The following RPS6KA6 variants were observed in gnomAD, a reference collection of about 807,000 sequenced individuals.
RPS6KA6 encodes ribosomal protein S6 kinase A6, also known as ribosomal protein S6 kinase alpha-6.
RPS6KA6 carries 27 observed loss-of-function variants against 65.4 expected under a neutral mutation model. The ratio of observed to expected loss-of-function variants is 0.41; its 90% confidence interval spans 0.30 to 0.57. RPS6KA6 has a LOEUF of 0.57. Among genes scored for constraint, RPS6KA6 ranks in the 20% least tolerant of loss-of-function variants. The pLI, the probability that RPS6KA6 is intolerant of heterozygous loss-of-function variation, is 0.24. For missense variants in RPS6KA6, 486 were observed against 555.6 expected (o/e 0.87, Z 1.26); for synonymous variants, 190 against 184.2 (o/e 1.03, Z -0.26).
At chrX:84,163,211 T>C (rs1002464266) in intron 2 of RPS6KA6, among the ~76,000 whole-genome samples, 3 of 112,130 alleles carry the variant, frequency 2.7e-5, no homozygotes, top group Non-Finnish European at 5.6e-5. Flanking sequence ...AAAGGAAGCA[T>C]ACTGCCCTAA....
At chrX:84,146,349 T>C (rs746680362) in intron 5 of RPS6KA6, among the ~76,000 whole-genome samples, 1 of 112,006 alleles carries the variant, frequency 8.9e-6, no homozygotes, top group East Asian at 2.8e-4. Context: ...CAGCTGCTAC[T>C]TTTTTAAATA....
intron 20 of RPS6KA6, among the ~76,000 whole-genome samples, chrX:84,088,689 G>T (rs939570569): frequency 3.6e-5 from 4 of 112,063 alleles, no homozygotes; most frequent in African/African-American, 1.3e-4. Context: ...TCCTTGTCCT[G>T]ACTGCTTGGC....
rs1195319301 is a variant in RPS6KA6, at chrX:84,062,410, AG to A, written c.*1866del. On this transcript the variant is annotated 3_prime_UTR_variant, in exon 22 of 22. Coordinates refer to ENST00000262752, the MANE Select transcript of RPS6KA6 (RefSeq NM_014496.5). ...ATCGATTCTGATAGGAAGGCATAAC[AG>A]CACTAGATAATGACAGAAGGAAAAT... 4 of 111,545 alleles carry A rather than the reference AG, an allele frequency of 3.6e-5. No individual in the cohort carries two copies. The highest frequency in any genetic ancestry group is 1.9e-4 in the Admixed American group (2 of 10,434). The allele number at this position is 111,545 out of a possible 1,213,427, so 9.2% of individuals were successfully genotyped here.
At position 84,123,682 on chromosome X, in the gene RPS6KA6, T is replaced by G. The variant is rs778068155; in HGVS notation, c.647-3655A>C. ...AGCTTAGCTGCAGTAGAATAGAACT[T>G]CAGGTAAATTTCTAAGGTATTTGAC... On this transcript the variant is annotated intron_variant, in intron 8 of 21. Transcript: ENST00000262752. Among the ~76,000 whole-genome samples, 7 of 111,944 alleles carry G rather than the reference T, an allele frequency of 6.3e-5. No individual in the cohort carries two copies. In the South Asian group the frequency reaches 2.6e-3, roughly 42 times the overall value.
chrX:84,169,615 T>G (rs2035648904), intron 1 of RPS6KA6, among the ~76,000 whole-genome samples: 1 of 111,575 alleles, frequency 9.0e-6, no homozygotes, highest in Non-Finnish European at 1.9e-5. Flanking sequence ...ATATTGAAAC[T>G]TAGAAGTAGG....
chrX:84,129,342 A>C (rs1266494308), intron 8 of RPS6KA6, among the ~76,000 whole-genome samples: 1 of 111,362 alleles, frequency 9.0e-6, no homozygotes, highest in Non-Finnish European at 1.9e-5. Flanking sequence ...GTCAGGCAAT[A>C]AAAAAATGCT....
intron 20 of RPS6KA6, among the ~76,000 whole-genome samples, chrX:84,083,648 A>G (rs1329395856): frequency 8.9e-6 from 1 of 112,238 alleles, no homozygotes; most frequent in Non-Finnish European, 1.9e-5. Context: ...TGATTCCATG[A>G]CTTTGCTATT....
Position 84,117,111 on chromosome X carries a change from C to T in RPS6KA6, c.898G>A (p.Ala300Thr), listed in dbSNP as rs145726789. The change falls in exon 11 of 22, where the codon GCA becomes ACA. Residue 300 changes from alanine to threonine, a missense_variant. Ala to Thr is a moderately conservative substitution (Grantham distance 58, BLOSUM62 0). Coordinates refer to ENST00000262752, the MANE Select transcript of RPS6KA6 (RefSeq NM_014496.5). ...AATAACATCCTTAGAAGACTTTGTG[C>T]TTCAGCACTAAGAAATTGAGGCATT... The part of the protein sequence containing the change: ...LGMPQFLSAE[A>T]QSLLRMLFKR... 7 of 1,194,630 alleles carry T rather than the reference C, an allele frequency of 5.9e-6. No homozygotes were observed. Among genetic ancestry groups the T allele is most frequent in the Non-Finnish European group, 7.9e-6 (7 of 886,139 alleles).
At chrX:84,155,159 G>A (rs970500070) in intron 3 of RPS6KA6, among the ~76,000 whole-genome samples, 2 of 110,769 alleles carry the variant, frequency 1.8e-5, no homozygotes, top group Non-Finnish European at 3.8e-5. Flanking sequence ...CTACAATCAT[G>A]CCACTGCACT....
At chrX:84,145,086 TCA>T (rs977668515) in intron 6 of RPS6KA6, among the ~76,000 whole-genome samples, 7 of 111,083 alleles carry the variant, frequency 6.3e-5, no homozygotes, top group African/African-American at 2.3e-4. Context: ...AATGATGGTT[TCA>T]CAGTTATATA....
In RPS6KA6 at chrX:84,079,617, T is replaced by G. The variant is rs4828243; in HGVS notation, c.1972-14506A>C. Among the ~76,000 whole-genome samples, 4 of 110,840 alleles carry G rather than the reference T, an allele frequency of 3.6e-5. No individual in the cohort carries two copies. The South Asian group carries it at 1.5e-3, about 42-fold the overall frequency. Reference sequence around the variant, plus strand: ...CCAGCACAGCAGTCTGAAGTCAAACTTGGACACTTGAGCTTGGTGGGGGGA... The same window carrying G: ...CCAGCACAGCAGTCTGAAGTCAAACGTGGACACTTGAGCTTGGTGGGGGGA... On this transcript the variant is annotated intron_variant, in intron 20 of 21. Transcript: ENST00000262752.
chrX:84,171,771 G>A (rs771386000), intron 1 of RPS6KA6, among the ~76,000 whole-genome samples: 16 of 110,775 alleles, frequency 1.4e-4, no homozygotes, highest in South Asian at 3.9e-4. Flanking sequence ...CTATCAACTC[G>A]CCATCTAGGT....
At position 84,095,592 on chromosome X, in the gene RPS6KA6, AT is replaced by A. The variant is rs1489747541; in HGVS notation, c.1971+601del. Among the ~76,000 whole-genome samples the A allele has an allele frequency of 2.8e-5, 3 of 107,090 alleles. No individual in the cohort carries two copies. The Admixed American group carries it at 3.1e-4, about 11-fold the overall frequency. 93.0% of individuals were successfully genotyped at this position (107,090 alleles called of 115,157 possible). ...AAGACTCAGTAAGAAAAAGTAAAGA[AT>A]ATCTAAATTTTTATATTGAATAGTA... On this transcript the variant is annotated intron_variant, in intron 20 of 21. Transcript: ENST00000262752.
At chrX:84,182,435 C>T (rs896800876) in intron 1 of RPS6KA6, among the ~76,000 whole-genome samples, 3 of 111,156 alleles carry the variant, frequency 2.7e-5, no homozygotes, top group African/African-American at 9.8e-5. Context: ...TCTTAAGAAC[C>T]GCTGCTACAT....
In RPS6KA6 at chrX:84,062,915, TC is replaced by T. The variant is rs1185105217; in HGVS notation, c.*1361del. 1 of 104,678 alleles carries T rather than the reference TC, an allele frequency of 9.6e-6. No homozygotes were observed. The highest frequency in any genetic ancestry group is 2.0e-5 in the Non-Finnish European group (1 of 50,477). 8.6% of individuals were successfully genotyped at this position (104,678 alleles called of 1,213,427 possible). A position where few individuals can be genotyped will look rare whatever the true frequency, so the allele number is the denominator to read the frequency against. On this transcript the variant is annotated 3_prime_UTR_variant, in exon 22 of 22. Coordinates refer to ENST00000262752, the MANE Select transcript of RPS6KA6 (RefSeq NM_014496.5). Reference sequence around the variant, plus strand: ...AGTTTACATTCATGAATTCTTTCTGTCAGTAGTAGTAGTAGTAGTAGTAGTA... The same window carrying T: ...AGTTTACATTCATGAATTCTTTCTGTAGTAGTAGTAGTAGTAGTAGTAGTA...
chrX:84,184,167 C>T (rs2035897186), intron 1 of RPS6KA6, among the ~76,000 whole-genome samples: 1 of 112,462 alleles, frequency 8.9e-6, no homozygotes, highest in African/African-American at 3.2e-5. Context: ...CTGGATCACC[C>T]TATCTGTGAT....
chrX:84,135,241 C>T, intron 6 of RPS6KA6, 31 bp from the exon 7 acceptor site: 2 of 979,415 alleles, frequency 2.0e-6, no homozygotes, highest in Non-Finnish European at 2.9e-6. Flanking sequence ...ATCATTTGAT[C>T]TTTCTTTCAA....
intron 3 of RPS6KA6, among the ~76,000 whole-genome samples, chrX:84,150,945 T>C (rs986665613): frequency 1.0e-5 from 1 of 95,683 alleles, no homozygotes; most frequent in East Asian, 3.2e-4. Context: ...ATAGAGGATA[T>C]ATATAGGATA....
In RPS6KA6 at chrX:84,165,949, T is replaced by C. The variant is rs187981074; in HGVS notation, c.82-1562A>G. Among the ~76,000 whole-genome samples, 105 of 112,046 alleles carry C rather than the reference T, an allele frequency of 9.4e-4. No homozygotes were observed. In the East Asian group the frequency reaches 0.022, roughly 24 times the overall value. ...AGAATGTGGAAGAAATCAGAGAGGA[T>C]AGAATGAAGAGAGCAGATCCCCTAA... On this transcript the variant is annotated intron_variant, in intron 1 of 21. Transcript: ENST00000262752.
Sources: allele counts gnomAD v4.1 joint callset (sites outside exome capture counted in the v4.1 genomes callset), GRCh38; gene constraint gnomAD v4.1.1; transcripts MANE v1.5; gene names NCBI Gene and HGNC (gene_info 2026-07-23, HGNC 2026-07-21).